NKAIN3: variants seen among roughly 807,000 people sequenced by gnomAD.
NKAIN3 encodes sodium/potassium transporting ATPase interacting 3, also known as sodium/potassium-transporting ATPase subunit beta-1-interacting protein 3.
A neutral mutation model predicts 30.2 loss-of-function variants in NKAIN3; 25 were observed. The observed-to-expected ratio is 0.83, with a 90% confidence interval of 0.60 to 1.16. The LOEUF is 1.16. NKAIN3 is among the 50% of genes most tolerant of loss of function. NKAIN3 has a pLI of 0.00. For synonymous variants in NKAIN3, 91 were observed against 89.6 expected, an observed-to-expected ratio of 1.02 and a Z score of -0.09; for missense variants, 225 against 254.1, an observed-to-expected ratio of 0.89 and a Z score of 0.78.
At chr8:62,680,839 T>C (rs1425832979) in intron 3 of NKAIN3, among the ~76,000 whole-genome samples, 2 of 152,202 alleles carry the variant, frequency 1.3e-5, no homozygotes, top group Admixed American at 1.3e-4. Context: ...TGATTTTTAT[T>C]TAATTGTAAC....
At chr8:62,628,701 C>T (rs72651576) in intron 3 of NKAIN3, among the ~76,000 whole-genome samples, 100 of 152,132 alleles carry the variant, frequency 6.6e-4, no homozygotes, top group Non-Finnish European at 1.2e-3. Context: ...CTTTTAATCA[C>T]TGTTATCAGT....
intron 3 of NKAIN3, among the ~76,000 whole-genome samples, chr8:62,705,458 C>T (rs1814488377): frequency 6.6e-6 from 1 of 152,170 alleles, no homozygotes; most frequent in African/African-American, 2.4e-5. Flanking sequence ...GGCAAGACAT[C>T]TCATGCTGGA....
chr8:62,297,216 A>G (rs1813859286), intron 1 of NKAIN3, among the ~76,000 whole-genome samples: 3 of 152,170 alleles, frequency 2.0e-5, no homozygotes, highest in Admixed American at 1.3e-4. Context: ...AACCATAAAA[A>G]CCCTAGAAGA....
chr8:62,370,137 A>G (rs1438663131), intron 1 of NKAIN3, among the ~76,000 whole-genome samples: 1 of 152,046 alleles, frequency 6.6e-6, no homozygotes, highest in Non-Finnish European at 1.5e-5. Context: ...AAATTATTGA[A>G]CTCAGAGAAA....
chr8:62,614,357 G>GTC (rs144223396), intron 3 of NKAIN3, among the ~76,000 whole-genome samples: 5,164 of 152,164 alleles, frequency 0.034, 133 homozygotes, highest in African/African-American at 0.073. Context: ...AACATACAGA[G>GTC]TCTCTCTCTC....
At chr8:62,565,641 G>A (rs77281699) in intron 1 of NKAIN3, among the ~76,000 whole-genome samples, 1 of 152,084 alleles carries the variant, frequency 6.6e-6, no homozygotes, top group African/African-American at 2.4e-5. Flanking sequence ...TTAAGAAAAA[G>A]ACTTGAAAGT....
At chr8:62,585,050 A>G (rs573188665) in intron 2 of NKAIN3, among the ~76,000 whole-genome samples, 41 of 152,336 alleles carry the variant, frequency 2.7e-4, no homozygotes, top group African/African-American at 9.6e-4. Flanking sequence ...ACAAGATGGA[A>G]TGGACAGGGA....
At chr8:62,674,203 C>T (rs986178995) in intron 3 of NKAIN3, among the ~76,000 whole-genome samples, 1 of 152,182 alleles carries the variant, frequency 6.6e-6, no homozygotes, top group Non-Finnish European at 1.5e-5. Flanking sequence ...TATGGAGGAA[C>T]TCAAAATTCC....
intron 3 of NKAIN3, among the ~76,000 whole-genome samples, chr8:62,733,167 C>T (rs77746981): frequency 0.027 from 4,089 of 152,238 alleles, 193 homozygotes; most frequent in African/African-American, 0.093. Context: ...CTACCCTCCA[C>T]CTAAACAATA....
chr8:62,768,903 C>T (rs878982993), intron 4 of NKAIN3, among the ~76,000 whole-genome samples: 6 of 152,100 alleles, frequency 3.9e-5, no homozygotes, highest in African/African-American at 7.2e-5. Context: ...AAATTAAAAT[C>T]TTTCAAGAAA....
chr8:62,283,164 A>G (rs887596333), intron 1 of NKAIN3, among the ~76,000 whole-genome samples: 2 of 152,240 alleles, frequency 1.3e-5, no homozygotes, highest in African/African-American at 4.8e-5. Flanking sequence ...ATAAATATCA[A>G]ACTTTCTAAT....
intron 1 of NKAIN3, among the ~76,000 whole-genome samples, chr8:62,338,259 C>T (rs60303134): frequency 0.04 from 6,044 of 151,414 alleles, 434 homozygotes; most frequent in African/African-American, 0.14. Flanking sequence ...ATGTTGATGA[C>T]TTGAAAAAGA....
At chr8:62,383,936 T>G (rs1817352150) in intron 1 of NKAIN3, among the ~76,000 whole-genome samples, 1 of 151,330 alleles carries the variant, frequency 6.6e-6, no homozygotes, top group Non-Finnish European at 1.5e-5. Context: ...CTTGAAATGG[T>G]GGGCAACCTC....
At chr8:62,610,623 C>A (rs182870240) in intron 3 of NKAIN3, among the ~76,000 whole-genome samples, 15 of 152,184 alleles carry the variant, frequency 9.9e-5, no homozygotes, top group Admixed American at 6.5e-4. Flanking sequence ...AAAACTGAGA[C>A]CTTGTGCAGA....
At chr8:62,917,413 C>G (rs1455667857) in intron 4 of NKAIN3, among the ~76,000 whole-genome samples, 1 of 152,206 alleles carries the variant, frequency 6.6e-6, no homozygotes, top group East Asian at 1.9e-4. Flanking sequence ...AGTCCTTCTC[C>G]TAAGACCTCA....
intron 1 of NKAIN3, among the ~76,000 whole-genome samples, chr8:62,345,825 T>C (rs76288649): frequency 0.039 from 5,942 of 151,876 alleles, 420 homozygotes; most frequent in African/African-American, 0.14. Context: ...AATAAAACAG[T>C]ATGTGTGTGT....
intron 3 of NKAIN3, among the ~76,000 whole-genome samples, chr8:62,676,301 G>C (rs1393240991): frequency 1.3e-5 from 2 of 152,212 alleles, no homozygotes; most frequent in Admixed American, 6.5e-5. Context: ...AGGTGCAGTG[G>C]CTCATGCCTG....
chr8:62,663,469 A>G (rs1336611724), intron 3 of NKAIN3, among the ~76,000 whole-genome samples: 1 of 152,210 alleles, frequency 6.6e-6, no homozygotes, highest in Non-Finnish European at 1.5e-5. Flanking sequence ...CGATAGTTTA[A>G]TAAGCAGCTG....
At chr8:62,251,804 C>T (rs188062124) in intron 1 of NKAIN3, among the ~76,000 whole-genome samples, 73 of 152,258 alleles carry the variant, frequency 4.8e-4, no homozygotes, top group Admixed American at 7.8e-4. Flanking sequence ...ACTCCCATCA[C>T]GACCAATTTC....
Sources: gnomAD v4.1 joint callset for allele counts (sites outside exome capture counted in the v4.1 genomes callset) on GRCh38, gnomAD v4.1.1 for gene constraint, MANE v1.5 for transcripts, NCBI Gene and HGNC (gene_info 2026-07-23, HGNC 2026-07-21) for gene names.